Variants in MSRB3 observed in about 807,000 individuals in gnomAD.
MSRB3 encodes methionine sulfoxide reductase B3, also known as methionine-R-sulfoxide reductase B3.
Under a neutral mutation model 21.0 loss-of-function variants are expected in MSRB3, and 13 were observed. The observed-to-expected ratio is 0.62, with a 90% CI of 0.40 to 0.98. MSRB3 has a LOEUF of 0.98. Among genes scored for constraint, MSRB3 ranks in the 50% least tolerant of loss-of-function variants. The pLI, the probability that MSRB3 is intolerant of heterozygous loss-of-function variation, is 0.00. For missense variants in MSRB3, 199 were observed against 230.3 expected (o/e 0.86, Z 0.88); for synonymous variants, 87 against 88.6 (o/e 0.98, Z 0.10).
intron 5 of MSRB3, among the ~76,000 whole-genome samples, chr12:65,411,307 G>A (rs183799974): frequency 3.6e-3 from 544 of 152,292 alleles, no homozygotes; most frequent in Middle Eastern, 0.01. Context: ...GAATGGGAAT[G>A]TGAGCCTTCC....
At chr12:65,407,021 A>G (rs1880450279) in intron 5 of MSRB3, among the ~76,000 whole-genome samples, 1 of 152,208 alleles carries the variant, frequency 6.6e-6, no homozygotes, top group Non-Finnish European at 1.5e-5. Context: ...TTATAAAATT[A>G]TCTGGTCTAA....
intron 5 of MSRB3, among the ~76,000 whole-genome samples, chr12:65,444,598 A>G (rs188390344): frequency 1.4e-4 from 21 of 152,300 alleles, no homozygotes; most frequent in Non-Finnish European, 3.1e-4. Context: ...ATCTTAAAAT[A>G]AACCTCATTG....
At chr12:65,389,127 G>T (rs925850623) in intron 5 of MSRB3, among the ~76,000 whole-genome samples, 4 of 152,086 alleles carry the variant, frequency 2.6e-5, no homozygotes, top group Non-Finnish European at 5.9e-5. Flanking sequence ...AATGTGCTCT[G>T]CAGAAGTCTC....
At chr12:65,362,238 C>T (rs1877751439) in intron 4 of MSRB3, among the ~76,000 whole-genome samples, 3 of 152,074 alleles carry the variant, frequency 2.0e-5, no homozygotes. Flanking sequence ...TTCTAAGTGG[C>T]ATATCCTTAT....
intron 2 of MSRB3, among the ~76,000 whole-genome samples, chr12:65,320,101 C>A (rs1285763427): frequency 6.6e-6 from 1 of 152,016 alleles, no homozygotes; most frequent in Non-Finnish European, 1.5e-5. Context: ...GTGCATACAT[C>A]TATAGAATAT....
chr12:65,393,669 T>C (rs1354575431), intron 5 of MSRB3, among the ~76,000 whole-genome samples: 1 of 151,544 alleles, frequency 6.6e-6, no homozygotes, highest in Non-Finnish European at 1.5e-5. Context: ...TACCATCTTA[T>C]TTTATGGTTT....
At chr12:65,357,448 C>A (rs1877451970) in intron 4 of MSRB3, among the ~76,000 whole-genome samples, 1 of 151,722 alleles carries the variant, frequency 6.6e-6, no homozygotes, top group Non-Finnish European at 1.5e-5. Context: ...TCACATATAC[C>A]CTCTCACCCA....
intron 5 of MSRB3, among the ~76,000 whole-genome samples, chr12:65,433,963 A>T (rs1882003116): frequency 6.6e-6 from 1 of 151,784 alleles, no homozygotes; most frequent in Non-Finnish European, 1.5e-5. Flanking sequence ...ATCTTGGCAT[A>T]TTCTTTTGAA....
At position 65,292,351 on chromosome 12, in the gene MSRB3, A is replaced by G. The variant is rs141973136; in HGVS notation, c.-52+13486A>G. Among the ~76,000 whole-genome samples, 326 of 152,294 alleles carry G rather than the reference A, an allele frequency of 2.1e-3. 2 individuals are homozygous for G. The highest frequency in any genetic ancestry group is 3.4e-3 in the Middle Eastern group (1 of 294). On this transcript the variant is annotated intron_variant, in intron 1 of 6. Transcript: ENST00000308259. ...TGTATCTACCACATAGGTTATTGTA[A>G]TCATGAAATGGGAGGATATATGTGA...
chr12:65,287,304 T>A (rs1872422843), intron 1 of MSRB3, among the ~76,000 whole-genome samples: 2 of 151,720 alleles, frequency 1.3e-5, no homozygotes, highest in Non-Finnish European at 2.9e-5. Context: ...TTAAAAAAAA[T>A]TTATGTAGAG....
chr12:65,453,646 T>G, intron 5 of MSRB3, 82 bp from the exon 6 acceptor site: 1 of 1,000,132 alleles, frequency 1.0e-6, no homozygotes, highest in Middle Eastern at 2.1e-4. Flanking sequence ...ATTATTTGCT[T>G]AGTATTTCTT....
chr12:65,361,655 C>T (rs1353896926), intron 4 of MSRB3, among the ~76,000 whole-genome samples: 1 of 151,966 alleles, frequency 6.6e-6, no homozygotes, highest in African/African-American at 2.4e-5. Context: ...TGATTTATTC[C>T]TTCTTGATAT....
At chr12:65,329,859 TG>T (rs1214316872) in intron 4 of MSRB3, among the ~76,000 whole-genome samples, 1 of 152,208 alleles carries the variant, frequency 6.6e-6, no homozygotes, top group Non-Finnish European at 1.5e-5. Context: ...TTTCTTACAT[TG>T]CACAAACCTT....
chr12:65,278,903 A>G (rs1196382583), intron 1 of MSRB3, 38 bp downstream of exon 1: 2 of 1,538,222 alleles, frequency 1.3e-6, no homozygotes, highest in African/African-American at 1.4e-5. Context: ...TCCTCGCCTC[A>G]CCCCTCCCAC....
At chr12:65,373,707 C>T (rs1411624059) in intron 5 of MSRB3, among the ~76,000 whole-genome samples, 6 of 152,066 alleles carry the variant, frequency 3.9e-5, no homozygotes, top group Middle Eastern at 3.4e-3. Context: ...GTTTAGTGTG[C>T]GGAGTTGAGG....
intron 5 of MSRB3, among the ~76,000 whole-genome samples, chr12:65,428,906 A>T (rs976157094): frequency 5.9e-5 from 9 of 152,126 alleles, no homozygotes; most frequent in Admixed American, 1.3e-4. Context: ...CATAAGATAG[A>T]CATGGGGTTT....
At chr12:65,447,520 GT>G (rs1882674514) in intron 5 of MSRB3, among the ~76,000 whole-genome samples, 1 of 151,936 alleles carries the variant, frequency 6.6e-6, no homozygotes, top group South Asian at 2.1e-4. Flanking sequence ...GAAAAAATAA[GT>G]TGCCAAAAAA....
chr12:65,458,194 A>G (rs1393473028), intron 6 of MSRB3, among the ~76,000 whole-genome samples: 1 of 152,058 alleles, frequency 6.6e-6, no homozygotes, highest in African/African-American at 2.4e-5. Flanking sequence ...CAGTTTGGCA[A>G]TATGGCAATA....
chr12:65,354,451 C>G (rs985065573), intron 4 of MSRB3, among the ~76,000 whole-genome samples: 2 of 151,922 alleles, frequency 1.3e-5, no homozygotes, highest in Non-Finnish European at 2.9e-5. Flanking sequence ...CTAAACTTCT[C>G]TTCTTGCTTC....
Sources: allele counts gnomAD v4.1 joint callset (sites outside exome capture counted in the v4.1 genomes callset), GRCh38; gene constraint gnomAD v4.1.1; transcripts MANE v1.5; gene names NCBI Gene and HGNC (gene_info 2026-07-23, HGNC 2026-07-21).